Variants in MUC5AC observed in about 807,000 individuals in gnomAD.
The protein encoded by MUC5AC is mucin-5AC.
Under a neutral mutation model 169.7 loss-of-function variants are expected in MUC5AC, and 158 were observed. That is an observed-to-expected ratio of 0.93 (90% confidence interval 0.82 to 1.06). The LOEUF is 1.06. Ranked by LOEUF, MUC5AC falls within the 50% of genes least tolerant of loss-of-function variation. The probability of loss-of-function intolerance (pLI) is 0.00; values close to 1 mark genes in which losing one functional copy is unlikely to be tolerated. For missense variants in MUC5AC, 4,359 were observed against 3,089.9 expected (o/e 1.41, Z -9.74); for synonymous variants, 1,975 against 1,237.0 (o/e 1.60, Z -12.52).
In MUC5AC at chr11:1,166,524, C is replaced by G. The variant is rs1158885609; in HGVS notation, c.1386+764C>G. ...ACCCTGCACCCAACACACAGTCTCT[C>G]CACGATGAGACCCTGCACCCAACAC... is the stretch of plus-strand genomic sequence containing the variant. On this transcript the variant is annotated intron_variant, in intron 11 of 48. Transcript: ENST00000621226. Among the ~76,000 whole-genome samples the G allele has an allele frequency of 3.2e-4, 41 of 127,876 alleles. 1 individual carries two copies. Among genetic ancestry groups the G allele is most frequent in the African/African-American group, 1.2e-3 (38 of 32,028 alleles). 83.9% of individuals were successfully genotyped at this position (127,876 alleles called of 152,430 possible). A position where few individuals can be genotyped will look rare whatever the true frequency, so the allele number is the denominator to read the frequency against.
At position 1,191,724 on chromosome 11, in the gene MUC5AC, A is replaced by G. The variant is rs1469994636; in HGVS notation, c.13579A>G (p.Thr4527Ala). 3 of 716,388 alleles carry G rather than the reference A, an allele frequency of 4.2e-6. No homozygotes were observed. The highest frequency in any genetic ancestry group is 7.6e-6 in the Non-Finnish European group (3 of 393,750). The allele number at this position is 716,388 out of a possible 1,614,324, so 44.4% of individuals were successfully genotyped here. The change falls in exon 31 of 49, where the codon ACC becomes GCC. Residue 4527 changes from threonine to alanine, a missense_variant. Physicochemically the swap from Thr to Ala is moderately conservative, Grantham distance 58. Transcript: ENST00000621226. ...PTTSTTSAPT[T>A]STTSASTAST... Reference sequence around the variant, plus strand: ...CACCAGCACAACCTCTGCTCCTACAACCAGCACAACCTCTGCCTCTACAGC... The same window carrying G: ...CACCAGCACAACCTCTGCTCCTACAGCCAGCACAACCTCTGCCTCTACAGC...
At position 1,179,093 on chromosome 11, in the gene MUC5AC, T is replaced by C; in HGVS notation, c.3329T>C (p.Val1110Ala). The C allele has an allele frequency of 1.8e-6, 1 of 555,900 alleles. No individual in the cohort carries two copies. Among genetic ancestry groups the C allele is most frequent in the Non-Finnish European group, 3.3e-6 (1 of 304,574 alleles). The allele number at this position is 555,900 out of a possible 1,614,324, so 34.4% of individuals were successfully genotyped here. Reference sequence around the variant, plus strand: ...AACCTGAAGCCCCGTCTCCCTCAGGTGGAGCCGGCCAGGTACTACGAGGCC... The same window carrying C: ...AACCTGAAGCCCCGTCTCCCTCAGGCGGAGCCGGCCAGGTACTACGAGGCC... ...GPTFAACHAH[V>A]EPARYYEACV... Residue 1110 changes from valine (V) to alanine (A), a missense_variant and splice_region_variant, in exon 26 of 49, where the codon GTG (valine) becomes GCG (alanine). Physicochemically the swap from Val to Ala is moderately conservative, Grantham distance 64. Transcript: ENST00000621226.
At position 1,186,524 on chromosome 11, in the gene MUC5AC, A is replaced by G. The variant is rs1375031606; in HGVS notation, c.8379A>G (p.Thr2793=). 2.6e-5 allele frequency: 18 copies of G among 696,820 alleles called. No homozygotes were observed. In the Admixed American group the frequency reaches 3.6e-4, roughly 14 times the overall value. 43.2% of individuals were successfully genotyped at this position (696,820 alleles called of 1,614,324 possible). ...APTTSTTLSP[T]TSTTSTTITS... is the part of the protein sequence containing the mutation. ...CAACCAGCACAACTTTGTCTCCTACAACCAGCACAACCTCTACTACTATAA... is the reference window on the plus strand; with the variant it reads ...CAACCAGCACAACTTTGTCTCCTACGACCAGCACAACCTCTACTACTATAA... The change falls in exon 31 of 49, where the codon ACA becomes ACG. Residue 2793 remains threonine (T), a synonymous_variant. Transcript: ENST00000621226.
rs1310974192 is a variant in MUC5AC, at chr11:1,199,789, G to A, written c.16585+25G>A. 3 of 723,452 alleles carry A rather than the reference G, an allele frequency of 4.1e-6. No homozygotes were observed. In the African/African-American group the frequency reaches 5.2e-5, roughly 12 times the overall value. The allele number at this position is 723,452 out of a possible 1,614,324, so 44.8% of individuals were successfully genotyped here. Reference sequence around the variant, plus strand: ...CGTGAGTACCCAGCCTGCTGGGCGGGGCGGGCTCCACCCTCAGAGGTCTAG... The same window carrying A: ...CGTGAGTACCCAGCCTGCTGGGCGGAGCGGGCTCCACCCTCAGAGGTCTAG... On this transcript the variant is annotated intron_variant, in intron 47 of 48. Transcript: ENST00000621226.
Position 1,194,314 on chromosome 11 carries a change from G to A in MUC5AC, c.14960G>A (p.Arg4987His), listed in dbSNP as rs750343544. 9.5e-6 allele frequency: 7 copies of A among 739,710 alleles called. No individual in the cohort carries two copies. Among genetic ancestry groups the A allele is most frequent in the Middle Eastern group, 2.3e-4 (1 of 4,442 alleles). The allele number at this position is 739,710 out of a possible 1,614,324, so 45.8% of individuals were successfully genotyped here. The change falls in exon 34 of 49, where the codon CGC becomes CAC. Residue 4987 changes from arginine (R) to histidine (H), a missense_variant. Coordinates refer to ENST00000621226, the MANE Select transcript of MUC5AC (RefSeq NM_001304359.2). ...RSIILEYHQD[R>H]VVLTRKPVHG... Reference sequence around the variant, plus strand: ...ATCATCCTGGAGTACCACCAGGACCGCGTGGTGCTGACCCGCAAGCCAGTC... The same window carrying A: ...ATCATCCTGGAGTACCACCAGGACCACGTGGTGCTGACCCGCAAGCCAGTC...
chr11:1,198,325 G>T lies in MUC5AC; in HGVS notation c.16173+20G>T, dbSNP rs749759843. 1 of 741,164 alleles carries T rather than the reference G, an allele frequency of 1.3e-6. No individual in the cohort carries two copies. Among genetic ancestry groups the T allele is most frequent in the South Asian group, 1.4e-5 (1 of 70,962 alleles). The allele number at this position is 741,164 out of a possible 1,614,324, so 45.9% of individuals were successfully genotyped here. A position where few individuals can be genotyped will look rare whatever the true frequency, so the allele number is the denominator to read the frequency against. On this transcript the variant is annotated intron_variant, in intron 43 of 48. Transcript: ENST00000621226. The stretch of plus-strand genomic sequence containing the variant: ...TACCAGGTAAGAGCCACGGAGCTCA[G>T]ACCCCCTCAGCCATAGGGACGGAGC...
chr11:1,199,854 G>A lies in MUC5AC; in HGVS notation c.16586-1G>A, dbSNP rs1861379041. Reference sequence around the variant, plus strand: ...GTCCTAAACCCTGTGTTCCTCTCCAGAGTCGACCTGTGCTGTGTACCATAG... The same window carrying A: ...GTCCTAAACCCTGTGTTCCTCTCCAAAGTCGACCTGTGCTGTGTACCATAG... On this transcript the variant is annotated splice_acceptor_variant, in intron 47 of 48. Transcript: ENST00000621226. LOFTEE classifies it high-confidence loss of function. 2.6e-6 allele frequency: 2 copies of A among 762,716 alleles called. No homozygotes were observed. The highest frequency in any genetic ancestry group is 3.4e-5 in the Admixed American group (2 of 58,662). 47.2% of individuals were successfully genotyped at this position (762,716 alleles called of 1,614,324 possible).
At chr11:1,158,471 A>G (rs765994136) in intron 1 of MUC5AC, among the ~76,000 whole-genome samples, 2 of 152,166 alleles carry the variant, frequency 1.3e-5, no homozygotes, top group Non-Finnish European at 2.9e-5. Context: ...CACCCCACAC[A>G]TGCCCAGTTC....
Position 1,191,780 on chromosome 11 carries a change from C to G in MUC5AC, c.13635C>G (p.Leu4545=). Residue 4545 remains leucine (L), a synonymous_variant, in exon 31 of 49, where the codon CTC becomes CTG. Coordinates refer to ENST00000621226, the MANE Select transcript of MUC5AC (RefSeq NM_001304359.2). The part of the protein sequence containing the change: ...ASTTSGPGTS[L]SPVPTTSTTS... ...CAACCTCTGGTCCTGGAACTTCTCT[C>G]AGCCCTGTTCCCACCACGAGCACAA... 1 of 760,130 alleles carries G rather than the reference C, an allele frequency of 1.3e-6. No homozygotes were observed. The highest frequency in any genetic ancestry group is 2.4e-6 in the Non-Finnish European group (1 of 416,054). 47.1% of individuals were successfully genotyped at this position (760,130 alleles called of 1,614,324 possible).
At chr11:1,171,226 T>G in intron 15 of MUC5AC, among the ~76,000 whole-genome samples, 1 of 106,334 alleles carries the variant, frequency 9.4e-6, no homozygotes, top group African/African-American at 3.9e-5. Flanking sequence ...ACTCACCCAC[T>G]CACCCATTCA....
Position 1,196,383 on chromosome 11 carries a change from C to T in MUC5AC, c.15638-5C>T, listed in dbSNP as rs1412442099. The T allele has an allele frequency of 2.6e-6, 2 of 764,804 alleles. No individual in the cohort carries two copies. 47.4% of individuals were successfully genotyped at this position (764,804 alleles called of 1,614,324 possible). The stretch of plus-strand genomic sequence containing the variant: ...CCTCTCAGGTGTGGCTTCCCCTCCC[C>T]ACAGCATTCACCTGCCCAGCCGACA... On this transcript the variant is annotated splice_region_variant and splice_polypyrimidine_tract_variant and intron_variant, in intron 37 of 48. Transcript: ENST00000621226.
chr11:1,180,814 G>C (rs1355772063), intron 28 of MUC5AC, among the ~76,000 whole-genome samples: 1 of 152,128 alleles, frequency 6.6e-6, no homozygotes, highest in Non-Finnish European at 1.5e-5. Context: ...AAGCTGGGCC[G>C]AGATGGAGCC....
At chr11:1,162,480 G>T in intron 4 of MUC5AC, 52 bp from the exon 5 acceptor site, 1 of 1,517,488 alleles carries the variant, frequency 6.6e-7, no homozygotes, top group Non-Finnish European at 9.1e-7. Context: ...TGCCCTGCCT[G>T]GGGTCTCTCC....
At chr11:1,161,794 A>G (rs1166694739) in intron 3 of MUC5AC, 113 bp from the exon 4 acceptor site, 2 of 1,452,126 alleles carry the variant, frequency 1.4e-6, no homozygotes, top group Admixed American at 4.4e-5. Context: ...CGTCCAGGGC[A>G]GCAGCACTTC....
Position 1,179,199 on chromosome 11 carries a change from C to T in MUC5AC, c.3435C>T (p.Ala1145=). Residue 1145 remains alanine, a synonymous_variant, in exon 26 of 49, where the codon GCC becomes GCT. Coordinates refer to ENST00000621226, the MANE Select transcript of MUC5AC (RefSeq NM_001304359.2). ...FCTAVAAYAQ[A]CHEVGLCVSW... ...CGGCTGTGGCCGCCTACGCCCAGGCCTGCCATGAAGTAGGCCTGTGTGTGT... is the reference window on the plus strand; with the variant it reads ...CGGCTGTGGCCGCCTACGCCCAGGCTTGCCATGAAGTAGGCCTGTGTGTGT... 1 of 679,016 alleles carries T rather than the reference C, an allele frequency of 1.5e-6. No homozygotes were observed. The highest frequency in any genetic ancestry group is 2.7e-5 in the East Asian group (1 of 36,964). 42.1% of individuals were successfully genotyped at this position (679,016 alleles called of 1,614,324 possible). A position where few individuals can be genotyped will look rare whatever the true frequency, so the allele number is the denominator to read the frequency against.
chr11:1,177,287 C>A lies in MUC5AC; in HGVS notation c.2850C>A (p.Asn950Lys). 8.8e-6 allele frequency: 4 copies of A among 454,116 alleles called. No individual in the cohort carries two copies. The highest frequency in any genetic ancestry group is 1.6e-5 in the Non-Finnish European group (4 of 255,276). 28.1% of individuals were successfully genotyped at this position (454,116 alleles called of 1,614,324 possible). A position where few individuals can be genotyped will look rare whatever the true frequency, so the allele number is the denominator to read the frequency against. Residue 950 changes from asparagine (N) to lysine (K), a missense_variant, in exon 23 of 49, where the codon AAC (asparagine) becomes AAA (lysine). Asn to Lys is a moderately conservative substitution (Grantham distance 94). Coordinates refer to ENST00000621226, the MANE Select transcript of MUC5AC (RefSeq NM_001304359.2). Reference protein sequence around the residue: ...TQDSFRVVTENVPCGTTGTTC... With the variant: ...TQDSFRVVTEKVPCGTTGTTC... ...ACTCCTTTCGTGTTGTCACCGAGAA[C>A]GTCCCCTGCGGCACCACAGGGACCA...
intron 39 of MUC5AC, 29 bp downstream of exon 39, chr11:1,196,749 T>C: frequency 1.4e-6 from 1 of 737,630 alleles, no homozygotes; most frequent in Non-Finnish European, 2.5e-6. Context: ...GGCTGGGGGG[T>C]GTGGCAGGAC....
intron 19 of MUC5AC, among the ~76,000 whole-genome samples, chr11:1,175,506 T>G (rs1322740389): frequency 6.7e-6 from 1 of 149,496 alleles, no homozygotes; most frequent in African/African-American, 2.5e-5. Context: ...CACCCACTCA[T>G]GCACACGCTG....
At position 1,192,359 on chromosome 11, in the gene MUC5AC, A is replaced by T; in HGVS notation, c.14214A>T (p.Pro4738=). 1.3e-6 allele frequency: 1 copy of T among 765,032 alleles called. No individual in the cohort carries two copies. Among genetic ancestry groups the T allele is most frequent in the Non-Finnish European group, 2.4e-6 (1 of 417,868 alleles). The allele number at this position is 765,032 out of a possible 1,614,324, so 47.4% of individuals were successfully genotyped here. ...PRGCPVTSVT[P]YGTSPTNALY... ...GCTGCCCGGTGACCTCTGTGACCCC[A>T]TATGGGACTTCTCCTACCAATGCTC... The change falls in exon 31 of 49, where the codon CCA becomes CCT. Residue 4738 remains proline (P), a synonymous_variant. Transcript: ENST00000621226.
Sources: gnomAD v4.1 joint callset for allele counts (sites outside exome capture counted in the v4.1 genomes callset) on GRCh38, gnomAD v4.1.1 for gene constraint, MANE v1.5 for transcripts, NCBI Gene and HGNC (gene_info 2026-07-23, HGNC 2026-07-21) for gene names.